KAT6B: variants seen among roughly 807,000 people sequenced by gnomAD.
The protein encoded by KAT6B is lysine acetyltransferase 6B.
KAT6B carries 10 observed loss-of-function variants against 187.5 expected under a neutral mutation model. That is an observed-to-expected ratio of 0.05 (90% confidence interval 0.03 to 0.09). The LOEUF is 0.09. KAT6B is among the 10% of genes least tolerant of loss of function. The pLI, the probability that KAT6B is intolerant of heterozygous loss-of-function variation, is 1.00. For synonymous variants in KAT6B, 861 were observed against 926.8 expected (o/e 0.93, Z 1.29); for missense variants, 1,952 against 2,558.9 (o/e 0.76, Z 5.12).
intron 13 of KAT6B, among the ~76,000 whole-genome samples, chr10:75,013,413 G>T (rs926590157): frequency 2.0e-5 from 3 of 151,924 alleles, no homozygotes; most frequent in African/African-American, 7.3e-5. Context: ...GGTTAGCTGG[G>T]GGGAGGGGAG....
intron 3 of KAT6B, among the ~76,000 whole-genome samples, chr10:74,905,645 T>C (rs2132829414): frequency 6.6e-6 from 1 of 152,202 alleles, no homozygotes; most frequent in East Asian, 1.9e-4. Flanking sequence ...AGAGAGTCTC[T>C]GTAAAGCATT....
At chr10:74,842,047 T>C (rs11001178) in intron 2 of KAT6B, among the ~76,000 whole-genome samples, 46,570 of 152,176 alleles carry the variant, frequency 0.31, 12,580 homozygotes, top group African/African-American at 0.71. Context: ...AGTTTTCCAA[T>C]TTGTGGGTTA....
intron 3 of KAT6B, among the ~76,000 whole-genome samples, chr10:74,916,969 G>A (rs1847736052): frequency 6.6e-6 from 1 of 152,162 alleles, no homozygotes; most frequent in African/African-American, 2.4e-5. Flanking sequence ...CCCAAGTGTG[G>A]TGGTGCACAC....
chr10:74,856,634 C>CA (rs1589483704), intron 3 of KAT6B, among the ~76,000 whole-genome samples: 1 of 151,988 alleles, frequency 6.6e-6, no homozygotes, highest in Admixed American at 6.6e-5. Context: ...AGTGGTGGCT[C>CA]ACACCTATAA....
At chr10:74,980,756 G>A (rs1015887783) in intron 10 of KAT6B, among the ~76,000 whole-genome samples, 2 of 152,158 alleles carry the variant, frequency 1.3e-5, no homozygotes, top group Admixed American at 6.5e-5. Flanking sequence ...AATAAAAAAT[G>A]TTCTGATTTT....
intron 3 of KAT6B, among the ~76,000 whole-genome samples, chr10:74,936,965 A>T (rs1036333413): frequency 6.6e-6 from 1 of 152,328 alleles, no homozygotes; most frequent in African/African-American, 2.4e-5. Flanking sequence ...TTTGAAGTGT[A>T]CATTTATTCC....
chr10:75,025,338 A>C, intron 17 of KAT6B, 89 bp downstream of exon 17: 1 of 1,378,252 alleles, frequency 7.3e-7, no homozygotes, highest in East Asian at 2.4e-5. Context: ...TGATGCCCAG[A>C]GGCACCTGCG....
intron 3 of KAT6B, among the ~76,000 whole-genome samples, chr10:74,941,033 A>AT (rs972236756): frequency 6.6e-5 from 10 of 152,100 alleles, no homozygotes; most frequent in South Asian, 2.1e-4. Flanking sequence ...AGGCATGTGC[A>AT]TTTTTTTTAG....
chr10:74,857,438 C>T (rs1287175987), intron 3 of KAT6B, among the ~76,000 whole-genome samples: 1 of 152,224 alleles, frequency 6.6e-6, no homozygotes, highest in Non-Finnish European at 1.5e-5. Flanking sequence ...CTGCCTCTTA[C>T]CACAGCCTGG....
chr10:75,017,473 G>C (rs1003255887), intron 13 of KAT6B, among the ~76,000 whole-genome samples: 2 of 152,158 alleles, frequency 1.3e-5, no homozygotes, highest in Admixed American at 1.3e-4. Flanking sequence ...TCTTAGCCAG[G>C]CATGGCCACT....
chr10:75,020,760 T>G lies in KAT6B; in HGVS notation c.2808T>G (p.His936Gln), dbSNP rs1318303039. 3.1e-6 allele frequency: 5 copies of G among 1,614,016 alleles called. No individual in the cohort carries two copies. The highest frequency in any genetic ancestry group is 1.1e-5 in the South Asian group (1 of 91,084). ...GCAGAGCGACGGGCATGTGCCCACA[T>G]GACATTGCCACCACTCTGCAGCACC... ...AISRATGMCP[H>Q]DIATTLQHLH... Residue 936 changes from histidine to glutamine, a missense_variant, in exon 14 of 18, where the codon CAT (histidine) becomes CAG (glutamine). By Grantham distance (24) the His-to-Gln change is conservative. Coordinates refer to ENST00000287239, the MANE Select transcript of KAT6B (RefSeq NM_012330.4).
Position 75,029,127 on chromosome 10 carries a change from G to A in KAT6B, c.4303G>A (p.Glu1435Lys). Reference protein sequence around the residue: ...DADDEDDSHMESAEVEKEELP... With the variant: ...DADDEDDSHMKSAEVEKEELP... ...CGATGACGAGGATGACAGCCACATG[G>A]AGTCTGCCGAAGTGGAGAAGGAAGA... Residue 1435 changes from glutamate (E) to lysine (K), a missense_variant, in exon 18 of 18, where the codon GAG becomes AAG. Glu to Lys is a moderately conservative substitution (Grantham distance 56, BLOSUM62 1). This residue lies in a region of KAT6B where 758 missense variants were observed against 891.4 expected (regional missense o/e 0.85). Transcript: ENST00000287239. The surrounding 1 kb of genome is among the most constrained non-coding windows in gnomAD (Gnocchi z 6.2). 1.2e-6 allele frequency: 2 copies of A among 1,614,186 alleles called. No individual in the cohort carries two copies. Among genetic ancestry groups the A allele is most frequent in the East Asian group, 2.2e-5 (1 of 44,884 alleles).
chr10:74,846,548 C>T (rs1842114847), intron 3 of KAT6B, among the ~76,000 whole-genome samples: 1 of 152,064 alleles, frequency 6.6e-6, no homozygotes, highest in African/African-American at 2.4e-5. Flanking sequence ...AAGTGATTTC[C>T]TTGCCTTAAC....
At chr10:74,871,989 G>C (rs924625485) in intron 3 of KAT6B, among the ~76,000 whole-genome samples, 1 of 152,182 alleles carries the variant, frequency 6.6e-6, no homozygotes, top group Non-Finnish European at 1.5e-5. Flanking sequence ...TGAGCAGCAG[G>C]TCCTTTAAAA....
At chr10:74,955,025 C>G (rs1424677558) in intron 3 of KAT6B, among the ~76,000 whole-genome samples, 2 of 152,120 alleles carry the variant, frequency 1.3e-5, no homozygotes, top group Non-Finnish European at 2.9e-5. Flanking sequence ...AGGACCCCTC[C>G]CTCACCCCTC....
At chr10:74,997,405 A>G (rs1843512666) in intron 13 of KAT6B, among the ~76,000 whole-genome samples, 1 of 152,166 alleles carries the variant, frequency 6.6e-6, no homozygotes, top group African/African-American at 2.4e-5. Flanking sequence ...GCATTTATTG[A>G]TTGATTCATT....
chr10:74,912,917 A>G (rs1847350522), intron 3 of KAT6B, among the ~76,000 whole-genome samples: 2 of 152,204 alleles, frequency 1.3e-5, no homozygotes, highest in African/African-American at 4.8e-5. Context: ...AGCAGCTGTC[A>G]TCTTGTGAAA....
intron 3 of KAT6B, among the ~76,000 whole-genome samples, chr10:74,928,791 A>G (rs1366265387): frequency 1.3e-5 from 2 of 152,228 alleles, no homozygotes; most frequent in Admixed American, 6.5e-5. Context: ...GGTCTGAGGC[A>G]TGTACATTTT....
Position 75,031,228 on chromosome 10 carries a change from C to A in KAT6B, c.*182C>A. On this transcript the variant is annotated 3_prime_UTR_variant, in exon 18 of 18. Coordinates refer to ENST00000287239, the MANE Select transcript of KAT6B (RefSeq NM_012330.4). ...AGAAAGCCTTATACAAGTTGTTTTT[C>A]TTTTTTTCCTTTTTCTTTTTTTTGG... 1.5e-6 allele frequency: 1 copy of A among 673,830 alleles called. No individual in the cohort carries two copies. Among genetic ancestry groups the A allele is most frequent in the Non-Finnish European group, 2.5e-6 (1 of 407,954 alleles). The allele number at this position is 673,830 out of a possible 1,614,324, so 41.7% of individuals were successfully genotyped here.
Sources: allele counts gnomAD v4.1 joint callset (sites outside exome capture counted in the v4.1 genomes callset), GRCh38; gene constraint gnomAD v4.1.1; regional missense constraint gnomAD v4.1.1; non-coding constraint Gnocchi (gnomAD v3.1); transcripts MANE v1.5; gene names NCBI Gene and HGNC (gene_info 2026-07-23, HGNC 2026-07-21).